The following TMEM239 variants were observed in gnomAD, a reference collection of about 807,000 sequenced individuals.
TMEM239 encodes the protein transmembrane protein 239.
TMEM239 carries 10 observed loss-of-function variants against 14.6 expected under a neutral mutation model. The observed-to-expected ratio is 0.68, with a 90% confidence interval of 0.42 to 1.16. TMEM239 has a LOEUF of 1.16. Ranked by LOEUF, TMEM239 falls within the 50% of genes most tolerant of loss-of-function variation. The pLI is 0.00. For missense variants in TMEM239, 183 were observed against 194.4 expected (o/e 0.94, Z 0.35); for synonymous variants, 94 against 89.9 (o/e 1.05, Z -0.26).
chr20:2,816,491 G>T lies in TMEM239; in HGVS notation c.-11-53G>T, dbSNP rs2088671370. The T allele has an allele frequency of 3.9e-5, 52 of 1,349,884 alleles. No homozygotes were observed. The Middle Eastern group carries it at 6.9e-4, about 18-fold the overall frequency. 83.6% of individuals were successfully genotyped at this position (1,349,884 alleles called of 1,614,324 possible). A position where few individuals can be genotyped will look rare whatever the true frequency, so the allele number is the denominator to read the frequency against. On this transcript the variant is annotated intron_variant, in intron 1 of 1. Transcript: ENST00000380585. ...CTCCTGACCCCTGCACCCCCTCTCTGCCCCCCCCCCCCAAGGTCCCAGGCA... is the reference window on the plus strand; with the variant it reads ...CTCCTGACCCCTGCACCCCCTCTCTTCCCCCCCCCCCCAAGGTCCCAGGCA...
At chr20:2,816,211 C>A, upstream of TMEM239, 2 of 800,140 alleles carry the variant, frequency 2.5e-6, no homozygotes, top group South Asian at 1.7e-5. Flanking sequence ...GGCTCCCCTG[C>A]CAGCCTGGAG....
chr20:2,817,417 C>T lies in TMEM239; in HGVS notation c.*404C>T. ...TCACTGAGAACTTCTACCTGGGTAC[C>T]ACTGGCCTTGCCATTCCTCCCACCA... On this transcript the variant is annotated 3_prime_UTR_variant, in exon 2 of 2. Transcript: ENST00000380585. 3.0e-6 allele frequency: 1 copy of T among 328,752 alleles called. No individual in the cohort carries two copies. The allele number at this position is 328,752 out of a possible 1,614,324, so 20.4% of individuals were successfully genotyped here.
rs375699539 is a variant in TMEM239 at position 2,816,916 on chromosome 20, C to T, written c.362C>T (p.Thr121Met). 268 of 1,540,118 alleles carry T rather than the reference C, an allele frequency of 1.7e-4. No homozygotes were observed. The highest frequency in any genetic ancestry group is 8.3e-4 in the Middle Eastern group (5 of 5,994). ...AGTGCTCTGCCTGCCCTCCTCTTCA[C>T]GGCCTCCTTCCTGCTGCTCTTCTCC... Reference protein sequence around the residue: ...VLSALPALLFTASFLLLFSTL... With the variant: ...VLSALPALLFMASFLLLFSTL... The change falls in exon 2 of 2, where the codon ACG becomes ATG. Residue 121 changes from threonine to methionine, a missense_variant. Physicochemically the swap from Thr to Met is moderately conservative, Grantham distance 81 (BLOSUM62 -1). Transcript: ENST00000380585.
Position 2,817,917 on chromosome 20 carries a change from C to G in TMEM239, c.*904C>G, listed in dbSNP as rs2088696464. The stretch of plus-strand genomic sequence containing the variant: ...GTAGGCGCATAAGATCTTTTGACCC[C>G]AAAGACTGTTGAAGGAACAGGAAGC... On this transcript the variant is annotated 3_prime_UTR_variant, in exon 2 of 2. Coordinates refer to ENST00000380585, the MANE Select transcript of TMEM239 (RefSeq NM_001167670.3). The G allele has an allele frequency of 6.6e-6, 1 of 152,204 alleles. No individual in the cohort carries two copies. Among genetic ancestry groups the G allele is most frequent in the Non-Finnish European group, 1.5e-5 (1 of 68,034 alleles). The allele number at this position is 152,204 out of a possible 1,614,324, so 9.4% of individuals were successfully genotyped here.
chr20:2,816,677 G>T lies in TMEM239; in HGVS notation c.123G>T (p.Met41Ile). ...HGWVRWWVSH[M>I]PPSWIQWWST... ...GGGTGCGCTGGTGGGTGAGCCACAT[G>T]CCCCCGAGCTGGATCCAGTGGTGGA... The change falls in exon 2 of 2, where the codon ATG becomes ATT. Residue 41 changes from methionine to isoleucine, a missense_variant. Met to Ile is a conservative substitution (Grantham distance 10, BLOSUM62 1). Transcript: ENST00000380585. 2 of 1,543,328 alleles carry T rather than the reference G, an allele frequency of 1.3e-6. No individual in the cohort carries two copies.
intron 1 of TMEM239, 54 bp from the exon 2 acceptor site, chr20:2,816,490 T>TTCCCCCCCCCCC: frequency 7.7e-7 from 1 of 1,297,462 alleles, no homozygotes; most frequent in South Asian, 1.3e-5. Context: ...ACCCCCTCTC[T>TTCCCCCCCCCCC]GCCCCCCCCC....
In TMEM239 at chr20:2,816,940, C is replaced by G; in HGVS notation, c.386C>G (p.Ser129Cys). The change falls in exon 2 of 2, where the codon TCC becomes TGC. Residue 129 changes from serine (S) to cysteine (C), a missense_variant. Physicochemically the swap from Ser to Cys is moderately radical, Grantham distance 112. Coordinates refer to ENST00000380585, the MANE Select transcript of TMEM239 (RefSeq NM_001167670.3). The stretch of plus-strand genomic sequence containing the variant: ...ACGGCCTCCTTCCTGCTGCTCTTCT[C>G]CACACTGCTGAGCCTTGTGGGCCTC... ...LFTASFLLLF[S>C]TLLSLVGLLT... The G allele has an allele frequency of 6.5e-7, 1 of 1,538,846 alleles. No homozygotes were observed. The highest frequency in any genetic ancestry group is 2.4e-5 in the East Asian group (1 of 40,926).
Position 2,816,710 on chromosome 20 carries a change from G to T in TMEM239, c.156G>T (p.Ser52=), listed in dbSNP as rs781448830. ...PPSWIQWWST[S]NWRQPLQRLL... ...GCTGGATCCAGTGGTGGAGCACCTC[G>T]AACTGGCGGCAACCGCTGCAGCGCC... The change falls in exon 2 of 2, where the codon TCG becomes TCT. Residue 52 remains serine (S), a synonymous_variant. Transcript: ENST00000380585. The T allele has an allele frequency of 6.5e-7, 1 of 1,547,244 alleles. No individual in the cohort carries two copies. Among genetic ancestry groups the T allele is most frequent in the South Asian group, 1.2e-5 (1 of 83,972 alleles).
chr20:2,818,187 C>T (rs1200332370), downstream of TMEM239: 2 of 152,228 alleles, frequency 1.3e-5, no homozygotes, highest in South Asian at 4.1e-4. Flanking sequence ...CCCAGCAAGC[C>T]GCTCAGGCAC....
Position 2,817,306 on chromosome 20 carries a change from A to G in TMEM239, c.*293A>G, listed in dbSNP as rs2088689064. On this transcript the variant is annotated 3_prime_UTR_variant, in exon 2 of 2. Coordinates refer to ENST00000380585, the MANE Select transcript of TMEM239 (RefSeq NM_001167670.3). ...CTTGACCAAGCCACTGATAGCGCCC[A>G]TATGGATGTGATGATACCCGTGGGG... 1 of 570,940 alleles carries G rather than the reference A, an allele frequency of 1.8e-6. No individual in the cohort carries two copies. Among genetic ancestry groups the G allele is most frequent in the Non-Finnish European group, 3.1e-6 (1 of 322,764 alleles). 35.4% of individuals were successfully genotyped at this position (570,940 alleles called of 1,614,324 possible). A position where few individuals can be genotyped will look rare whatever the true frequency, so the allele number is the denominator to read the frequency against.
At chr20:2,816,183 A>T, upstream of TMEM239, 2 of 646,698 alleles carry the variant, frequency 3.1e-6, no homozygotes, top group Non-Finnish European at 5.3e-6. Context: ...ATGAGAAACT[A>T]CATCTGCGGG....
intron 1 of TMEM239, 28 bp from the exon 2 acceptor site, chr20:2,816,516 A>G: frequency 1.7e-6 from 2 of 1,202,682 alleles, no homozygotes; most frequent in Non-Finnish European, 2.2e-6. Flanking sequence ...GGTCCCAGGC[A>G]TCTTCAAGAC....
chr20:2,818,818 G>A (rs1197904485), downstream of TMEM239: 1 of 152,200 alleles, frequency 6.6e-6, no homozygotes, highest in Non-Finnish European at 1.5e-5. Flanking sequence ...TTAGGGCTCT[G>A]GCATGTGAGT....
chr20:2,816,597 G>T lies in TMEM239; in HGVS notation c.43G>T (p.Gly15Cys). Reference sequence around the variant, plus strand: ...AGTGGAGACAGATACCATCGGGGCTGGCGAGGGGCCACAGCAGGCAGTGCC... The same window carrying T: ...AGTGGAGACAGATACCATCGGGGCTTGCGAGGGGCCACAGCAGGCAGTGCC... Reference protein sequence around the residue: ...PRVETDTIGAGEGPQQAVPWS... With the variant: ...PRVETDTIGACEGPQQAVPWS... The change falls in exon 2 of 2, where the codon GGC (glycine) becomes TGC (cysteine). Residue 15 changes from glycine (G) to cysteine (C), a missense_variant. Coordinates refer to ENST00000380585, the MANE Select transcript of TMEM239 (RefSeq NM_001167670.3). 1 of 1,537,520 alleles carries T rather than the reference G, an allele frequency of 6.5e-7. No individual in the cohort carries two copies.
chr20:2,816,238 C>A, upstream of TMEM239: 1 of 1,085,138 alleles, frequency 9.2e-7, no homozygotes, highest in Non-Finnish European at 1.3e-6. Flanking sequence ...TGCAGAGGGA[C>A]TTGGGTGGGC....
chr20:2,815,854 G>C (rs2088663043), upstream of TMEM239: 2 of 1,177,216 alleles, frequency 1.7e-6, no homozygotes, highest in African/African-American at 3.0e-5. Context: ...TCTCCTTCCT[G>C]GCTGGGCAGG....
chr20:2,817,215 CT>C lies in TMEM239; in HGVS notation c.*205del, dbSNP rs1407143993. The C allele has an allele frequency of 1.4e-6, 1 of 690,172 alleles. No individual in the cohort carries two copies. Among genetic ancestry groups the C allele is most frequent in the Non-Finnish European group, 2.4e-6 (1 of 419,510 alleles). 42.8% of individuals were successfully genotyped at this position (690,172 alleles called of 1,614,324 possible). ...GGTTCCTGGTGTGAGGGGCTGGGGG[CT>C]TTGAGAAGAGGGGGCAAGACAGATG... On this transcript the variant is annotated 3_prime_UTR_variant, in exon 2 of 2. Transcript: ENST00000380585.
At position 2,817,690 on chromosome 20, in the gene TMEM239, G is replaced by C. The variant is rs1434792057; in HGVS notation, c.*677G>C. 1.3e-5 allele frequency: 2 copies of C among 153,146 alleles called. No homozygotes were observed. The highest frequency in any genetic ancestry group is 2.4e-5 in the African/African-American group (1 of 41,452). 9.5% of individuals were successfully genotyped at this position (153,146 alleles called of 1,614,324 possible). A position where few individuals can be genotyped will look rare whatever the true frequency, so the allele number is the denominator to read the frequency against. The stretch of plus-strand genomic sequence containing the variant: ...TCACTCTCTAAGAATCCCAAGGTCT[G>C]TTATGGAAAAATGATCAAGAAATCC... On this transcript the variant is annotated 3_prime_UTR_variant, in exon 2 of 2. Transcript: ENST00000380585.
At chr20:2,818,482 C>T (rs1201828413), downstream of TMEM239, 1 of 152,314 alleles carries the variant, frequency 6.6e-6, no homozygotes, top group Non-Finnish European at 1.5e-5. Context: ...GGGGCTAGCC[C>T]CTAGAACCCT....
Sources: allele counts gnomAD v4.1 joint callset, GRCh38; gene constraint gnomAD v4.1.1; transcripts MANE v1.5; gene names NCBI Gene and HGNC (gene_info 2026-07-23, HGNC 2026-07-21).